Variants in KLHL6 observed in about 807,000 individuals in gnomAD.
KLHL6 encodes the protein kelch-like protein 6.
KLHL6 carries 41 observed loss-of-function variants against 58.6 expected under a neutral mutation model. That is an observed-to-expected ratio of 0.70 (90% CI 0.55 to 0.91). The LOEUF (loss-of-function observed/expected upper bound fraction) is 0.91. Ranked by LOEUF, KLHL6 falls within the 40% of genes least tolerant of loss-of-function variation. The probability of loss-of-function intolerance (pLI) is 0.00; values close to 1 mark genes in which losing one functional copy is unlikely to be tolerated. For missense variants in KLHL6, 714 were observed against 805.6 expected, an observed-to-expected ratio of 0.89 and a Z score of 1.38; for synonymous variants, 338 against 322.7, an observed-to-expected ratio of 1.05 and a Z score of -0.51.
chr3:183,540,612 C>T (rs1712520672), intron 1 of KLHL6, among the ~76,000 whole-genome samples: 1 of 152,026 alleles, frequency 6.6e-6, no homozygotes, highest in Admixed American at 6.6e-5. Context: ...CTCTGTTGCC[C>T]AGGCTGGCCT....
At chr3:183,551,775 C>T (rs1484033818) in intron 1 of KLHL6, among the ~76,000 whole-genome samples, 2 of 152,012 alleles carry the variant, frequency 1.3e-5, no homozygotes, top group East Asian at 1.9e-4. Context: ...TAGCCTTTGG[C>T]GCATGAGACA....
At chr3:183,497,132 C>G (rs1717734728) in intron 4 of KLHL6, among the ~76,000 whole-genome samples, 1 of 152,156 alleles carries the variant, frequency 6.6e-6, no homozygotes, top group Non-Finnish European at 1.5e-5. Flanking sequence ...CAAAAATTAA[C>G]CAGGCATGGT....
intron 3 of KLHL6, among the ~76,000 whole-genome samples, chr3:183,507,349 A>T (rs530216969): frequency 6.6e-6 from 1 of 152,332 alleles, no homozygotes; most frequent in Admixed American, 6.5e-5. Flanking sequence ...AGATTTCACC[A>T]GAGTGGGCAA....
Position 183,494,197 on chromosome 3 carries a change from C to A in KLHL6, c.1232G>T (p.Arg411Leu). 1.9e-6 allele frequency: 3 copies of A among 1,613,820 alleles called. No individual in the cohort carries two copies. Among genetic ancestry groups the A allele is most frequent in the Non-Finnish European group, 2.5e-6 (3 of 1,179,722 alleles). The change falls in exon 5 of 7, where the codon CGC becomes CTC. Residue 411 changes from arginine to leucine, a missense_variant. Physicochemically the swap from Arg to Leu is moderately radical, Grantham distance 102. Transcript: ENST00000341319. ...WIQIEYLNIG[R>L]WRHKMVVLGG... is the part of the protein sequence containing the mutation. ...CAACACCACCATCTTATGCCTCCAG[C>A]GGCCTATGTTTAAATACTCAATCTG...
At position 183,508,161 on chromosome 3, in the gene KLHL6, C is replaced by A; in HGVS notation, c.807G>T (p.Trp269Cys). 6.2e-7 allele frequency: 1 copy of A among 1,614,194 alleles called. No homozygotes were observed. Among genetic ancestry groups the A allele is most frequent in the Non-Finnish European group, 8.5e-7 (1 of 1,180,040 alleles). ...ENVRLPLLDPWYFVETVEADP... is the reference protein window; with the variant it reads ...ENVRLPLLDPCYFVETVEADP... ...CTGCTTCCACCGTCTCCACAAAGTA[C>A]CACGGGTCCAGAAGCGGTAAGCGCA... is the stretch of plus-strand genomic sequence containing the variant. Residue 269 changes from tryptophan (W) to cysteine (C), a missense_variant, in exon 3 of 7, where the codon TGG becomes TGT. Physicochemically the swap from Trp to Cys is radical, Grantham distance 215 (BLOSUM62 -2). Transcript: ENST00000341319.
chr3:183,519,935 A>T (rs1299856762), intron 2 of KLHL6, among the ~76,000 whole-genome samples: 1 of 151,584 alleles, frequency 6.6e-6, no homozygotes, highest in East Asian at 1.9e-4. Context: ...ACAGAAAAAT[A>T]ATAGGTTAAA....
chr3:183,497,241 C>G (rs574919549), intron 4 of KLHL6, among the ~76,000 whole-genome samples: 3 of 152,188 alleles, frequency 2.0e-5, no homozygotes, highest in African/African-American at 7.2e-5. Flanking sequence ...GTGAAACCCC[C>G]TCTCTACCAA....
At chr3:183,539,232 A>G (rs1712469360) in intron 1 of KLHL6, among the ~76,000 whole-genome samples, 1 of 152,156 alleles carries the variant, frequency 6.6e-6, no homozygotes, top group Non-Finnish European at 1.5e-5. Context: ...GTCCTCCCTC[A>G]CTATGGATCC....
In KLHL6 at chr3:183,494,301, T is replaced by C. The variant is rs369365763; in HGVS notation, c.1148-20A>G. 9.9e-5 allele frequency: 157 copies of C among 1,588,966 alleles called. 1 individual carries two copies. The Middle Eastern group carries it at 1.2e-3, about 12-fold the overall frequency. ...TGCCACCTGCAAGAGATACAAAGCA[T>C]TTAAGAAACCATCAGATGTGTCAGA... On this transcript the variant is annotated intron_variant, in intron 4 of 6. Transcript: ENST00000341319.
Position 183,527,892 on chromosome 3 carries a change from T to G in KLHL6, c.412A>C (p.Thr138Pro). Residue 138 changes from threonine to proline, a missense_variant, in exon 2 of 7, where the codon ACC becomes CCC. Thr to Pro is a conservative substitution (Grantham distance 38). Around this residue, in one of 2 missense-constraint regions of KLHL6, gnomAD observed 204 missense variants for 175.9 expected, o/e 1.16. Coordinates refer to ENST00000341319, the MANE Select transcript of KLHL6 (RefSeq NM_130446.4). ...AGGACCCGCTGGACATTCTGCTTGG[T>G]GATCAGCGCCTTGCTGGTGTACGTG... ...DYTYTSKALI[T>P]KQNVQRVLEA... 1 of 1,614,088 alleles carries G rather than the reference T, an allele frequency of 6.2e-7. No individual in the cohort carries two copies. The highest frequency in any genetic ancestry group is 8.5e-7 in the Non-Finnish European group (1 of 1,180,002).
intron 2 of KLHL6, among the ~76,000 whole-genome samples, chr3:183,515,918 A>G (rs1029022700): frequency 6.6e-6 from 1 of 152,242 alleles, no homozygotes; most frequent in Non-Finnish European, 1.5e-5. Context: ...TTAACAAATA[A>G]ATTTTATTTT....
intron 1 of KLHL6, among the ~76,000 whole-genome samples, chr3:183,540,077 T>C (rs186457927): frequency 6.6e-5 from 10 of 152,294 alleles, no homozygotes; most frequent in Admixed American, 3.3e-4. Flanking sequence ...ACTCAGATCT[T>C]CCGTTGGGAA....
intron 1 of KLHL6, among the ~76,000 whole-genome samples, chr3:183,550,700 G>A (rs751175748): frequency 2.6e-5 from 4 of 152,130 alleles, no homozygotes; most frequent in Non-Finnish European, 2.9e-5. Flanking sequence ...GGGGGCTGAG[G>A]TGGAAGAATT....
At position 183,487,577 on chromosome 3, in the gene KLHL6, A is replaced by G. The variant is rs1259002331; in HGVS notation, c.*4350T>C. ...CTGTTCTGTGCATATTTTATTGAAT[A>G]AATAAAAATTTTATTGGTTTGGTTT... On this transcript the variant is annotated 3_prime_UTR_variant, in exon 7 of 7. Coordinates refer to ENST00000341319, the MANE Select transcript of KLHL6 (RefSeq NM_130446.4). 1 of 151,926 alleles carries G rather than the reference A, an allele frequency of 6.6e-6. No individual in the cohort carries two copies. The highest frequency in any genetic ancestry group is 1.5e-5 in the Non-Finnish European group (1 of 67,994). The allele number at this position is 151,926 out of a possible 1,614,324, so 9.4% of individuals were successfully genotyped here.
At position 183,491,257 on chromosome 3, in the gene KLHL6, C is replaced by T. The variant is rs1717543191; in HGVS notation, c.*670G>A. ...CCTGAGTAGCTGGAATTACAGGCGC[C>T]TGCCACTGCACGCGGCTAATTTTTG... On this transcript the variant is annotated 3_prime_UTR_variant, in exon 7 of 7. Transcript: ENST00000341319. The T allele has an allele frequency of 6.6e-6, 1 of 152,144 alleles. No homozygotes were observed. Among genetic ancestry groups the T allele is most frequent in the Non-Finnish European group, 1.5e-5 (1 of 68,056 alleles). The allele number at this position is 152,144 out of a possible 1,614,324, so 9.4% of individuals were successfully genotyped here.
intron 4 of KLHL6, 90 bp from the exon 5 acceptor site, chr3:183,494,371 G>T: frequency 8.9e-7 from 1 of 1,119,634 alleles, no homozygotes. Context: ...AAAGTGCCAG[G>T]TCCCCAGGCC....
At chr3:183,555,024 T>C (rs1713058177) in intron 1 of KLHL6, among the ~76,000 whole-genome samples, 1 of 151,700 alleles carries the variant, frequency 6.6e-6, no homozygotes, top group African/African-American at 2.4e-5. Context: ...ATTATCCGGG[T>C]GTTGTGGTGC....
chr3:183,498,801 G>A (rs1717783692), intron 4 of KLHL6, among the ~76,000 whole-genome samples: 1 of 152,188 alleles, frequency 6.6e-6, no homozygotes, highest in Non-Finnish European at 1.5e-5. Context: ...CAGACACAAA[G>A]TAACGATCAA....
chr3:183,509,787 G>C (rs980768449), intron 2 of KLHL6, among the ~76,000 whole-genome samples: 3 of 152,040 alleles, frequency 2.0e-5, no homozygotes, highest in African/African-American at 7.2e-5. Flanking sequence ...TGTCATCAAG[G>C]GAACCATAGT....
Sources: gnomAD v4.1 joint callset for allele counts (sites outside exome capture counted in the v4.1 genomes callset) on GRCh38, gnomAD v4.1.1 for gene constraint, gnomAD v4.1.1 regional missense constraint, MANE v1.5 for transcripts, NCBI Gene and HGNC (gene_info 2026-07-23, HGNC 2026-07-21) for gene names.